RORB: variants seen among roughly 807,000 people sequenced by gnomAD.
RORB encodes RAR related orphan receptor B.
A neutral mutation model predicts 59.1 loss-of-function variants in RORB; 6 were observed. That is an observed-to-expected ratio of 0.10 (90% confidence interval 0.06 to 0.20). The LOEUF (loss-of-function observed/expected upper bound fraction) is 0.20, where lower values mean the gene tolerates loss of function less well. Ranked by LOEUF, RORB falls within the 10% of genes least tolerant of loss-of-function variation. The pLI, the probability that RORB is intolerant of heterozygous loss-of-function variation, is 1.00. For missense variants in RORB, 320 were observed against 560.5 expected (o/e 0.57, Z 4.33); for synonymous variants, 215 against 204.5 (o/e 1.05, Z -0.44).
At chr9:74,618,626 C>G (rs1049663807) in intron 1 of RORB, among the ~76,000 whole-genome samples, 1 of 152,088 alleles carries the variant, frequency 6.6e-6, no homozygotes, top group Non-Finnish European at 1.5e-5. Context: ...TTTTCAAACT[C>G]TCTGAACAAG....
At chr9:74,529,493 G>A (rs1004073186) in intron 1 of RORB, among the ~76,000 whole-genome samples, 3 of 151,576 alleles carry the variant, frequency 2.0e-5, no homozygotes, top group Non-Finnish European at 4.4e-5. Flanking sequence ...GGCTTTCTTT[G>A]CCTCAACTTC....
intron 9 of RORB, 75 bp downstream of exon 9, chr9:74,671,976 G>A: frequency 3.9e-6 from 3 of 762,320 alleles, no homozygotes; most frequent in East Asian, 2.7e-5. Flanking sequence ...TATAAATCAA[G>A]GGAAATTTCT....
chr9:74,646,682 G>A (rs1247848420), intron 4 of RORB, among the ~76,000 whole-genome samples: 1 of 151,846 alleles, frequency 6.6e-6, no homozygotes, highest in African/African-American at 2.4e-5. Context: ...AAGTGATAAA[G>A]CTTAAATTCT....
chr9:74,603,733 T>C (rs372418928), intron 1 of RORB, among the ~76,000 whole-genome samples: 2 of 152,226 alleles, frequency 1.3e-5, no homozygotes, highest in African/African-American at 2.4e-5. Context: ...TGTTATTAGA[T>C]AGTTTATAGA....
At chr9:74,561,318 T>C (rs1323361) in intron 1 of RORB, among the ~76,000 whole-genome samples, 62,773 of 151,936 alleles carry the variant, frequency 0.41, 13,982 homozygotes, top group East Asian at 0.77. Context: ...GAGAAATAGT[T>C]AATAAAGAAA....
intron 1 of RORB, among the ~76,000 whole-genome samples, chr9:74,583,168 T>C (rs575854129): frequency 6.1e-4 from 93 of 152,306 alleles, no homozygotes; most frequent in Non-Finnish European, 1.2e-3. Flanking sequence ...ACAAACCTAC[T>C]TTTTAATCTA....
At chr9:74,643,760 C>T (rs1427500116) in intron 4 of RORB, among the ~76,000 whole-genome samples, 1 of 152,216 alleles carries the variant, frequency 6.6e-6, no homozygotes, top group Non-Finnish European at 1.5e-5. Context: ...CAGGAACCTT[C>T]AAGGGCTCTT....
At chr9:74,571,289 T>C (rs1822546989) in intron 1 of RORB, among the ~76,000 whole-genome samples, 1 of 152,026 alleles carries the variant, frequency 6.6e-6, no homozygotes, top group Admixed American at 6.6e-5. Flanking sequence ...ATTCTAGACC[T>C]CTTTTAGAAT....
chr9:74,556,952 AT>A (rs1017893881), intron 1 of RORB, among the ~76,000 whole-genome samples: 12 of 151,260 alleles, frequency 7.9e-5, no homozygotes, highest in Admixed American at 6.6e-4. Flanking sequence ...TTTCTTGATA[AT>A]TTTTTTTTCT....
chr9:74,625,302 C>T (rs183781215), intron 1 of RORB, among the ~76,000 whole-genome samples: 1 of 151,780 alleles, frequency 6.6e-6, no homozygotes, highest in East Asian at 1.9e-4. Context: ...ATCTCTGGTT[C>T]ATTCTCTTTA....
At position 74,598,015 on chromosome 9, in the gene RORB, A is replaced by T. The variant is rs11144018; in HGVS notation, c.8-32267A>T. On this transcript the variant is annotated intron_variant, in intron 1 of 9. Transcript: ENST00000376896. The stretch of plus-strand genomic sequence containing the variant: ...GAAATGATAATATTTGATATACATT[A>T]GGTTAAATAAAATATATTAATGAAA... 4.4e-4 allele frequency among the ~76,000 whole-genome samples: 67 copies of T among 152,290 alleles called. 1 individual carries two copies. In the East Asian group the frequency reaches 0.012, roughly 28 times the overall value.
In RORB at chr9:74,620,309, G is replaced by C. The variant is rs140046159; in HGVS notation, c.8-9973G>C. Among the ~76,000 whole-genome samples the C allele has an allele frequency of 1.7e-3, 260 of 152,294 alleles. 8 individuals are homozygous for C. The East Asian group carries it at 0.048, about 28-fold the overall frequency. On this transcript the variant is annotated intron_variant, in intron 1 of 9. Transcript: ENST00000376896. Reference sequence around the variant, plus strand: ...TCGAGGAATTTATCCATTTCTTCTAGATGTTCTAGTTTATTTGCGTAGAGG... The same window carrying C: ...TCGAGGAATTTATCCATTTCTTCTACATGTTCTAGTTTATTTGCGTAGAGG...
chr9:74,559,828 G>A (rs565137149), intron 1 of RORB, among the ~76,000 whole-genome samples: 21 of 152,150 alleles, frequency 1.4e-4, no homozygotes, highest in Admixed American at 3.9e-4. Context: ...AAAAAACAAG[G>A]CCTGCTTCTT....
At chr9:74,515,894 A>G (rs1362103451) in intron 1 of RORB, among the ~76,000 whole-genome samples, 1 of 152,110 alleles carries the variant, frequency 6.6e-6, no homozygotes, top group Non-Finnish European at 1.5e-5. Context: ...AGAATCACAG[A>G]GAAACTTTTC....
intron 1 of RORB, among the ~76,000 whole-genome samples, chr9:74,513,803 T>C (rs535568211): frequency 6.6e-6 from 1 of 152,258 alleles, no homozygotes; most frequent in South Asian, 2.1e-4. Flanking sequence ...CATTGGTATA[T>C]TTAAATGAAA....
At chr9:74,604,361 C>A (rs17612874) in intron 1 of RORB, among the ~76,000 whole-genome samples, 11,855 of 152,264 alleles carry the variant, frequency 0.078, 589 homozygotes, top group Middle Eastern at 0.13. Context: ...GCTGTGCATT[C>A]AACACATCAC....
intron 1 of RORB, among the ~76,000 whole-genome samples, chr9:74,611,313 G>C (rs898395027): frequency 1.3e-5 from 2 of 152,158 alleles, no homozygotes; most frequent in Non-Finnish European, 2.9e-5. Context: ...TTAAATGCCA[G>C]ATCAAGGGGA....
intron 3 of RORB, among the ~76,000 whole-genome samples, chr9:74,636,498 G>T (rs1313650244): frequency 2.0e-5 from 3 of 152,068 alleles, no homozygotes; most frequent in African/African-American, 7.2e-5. Context: ...TCTGAATCCC[G>T]TAACATAAAA....
intron 7 of RORB, among the ~76,000 whole-genome samples, chr9:74,666,405 G>A (rs1445643086): frequency 6.6e-6 from 1 of 151,888 alleles, no homozygotes; most frequent in Non-Finnish European, 1.5e-5. Context: ...AGGCTACAGT[G>A]AGTCATCTTC....
Sources: allele counts gnomAD v4.1 joint callset (sites outside exome capture counted in the v4.1 genomes callset), GRCh38; gene constraint gnomAD v4.1.1; transcripts MANE v1.5; gene names NCBI Gene and HGNC (gene_info 2026-07-23, HGNC 2026-07-21).